PAFAH1B2: variants seen among roughly 807,000 people sequenced by gnomAD.
PAFAH1B2 encodes the protein platelet activating factor acetylhydrolase 1b catalytic subunit 2, also known as platelet-activating factor acetylhydrolase IB subunit alpha2.
Under a neutral mutation model 28.0 loss-of-function variants are expected in PAFAH1B2, and 8 were observed. The observed-to-expected ratio is 0.29, with a 90% CI of 0.17 to 0.52. PAFAH1B2 has a LOEUF of 0.52. Ranked by LOEUF, PAFAH1B2 falls within the 20% of genes least tolerant of loss-of-function variation. PAFAH1B2 has a pLI of 0.97. For missense variants in PAFAH1B2, 190 were observed against 282.6 expected (o/e 0.67, Z 2.35); for synonymous variants, 104 against 103.2 (o/e 1.01, Z -0.05).
downstream of PAFAH1B2, chr11:117,175,017 A>C (rs1383840036): frequency 8.5e-6 from 12 of 1,416,472 alleles, no homozygotes; most frequent in Non-Finnish European, 1.1e-5. Context: ...ATGGAGCTGG[A>C]CTCATGGGTC....
At chr11:117,144,783 G>A (rs1046166268) in intron 1 of PAFAH1B2, among the ~76,000 whole-genome samples, 8 of 143,898 alleles carry the variant, frequency 5.6e-5, no homozygotes, top group Admixed American at 1.4e-4. Flanking sequence ...GCCCACCCGC[G>A]GTAGGCCTTG....
Position 117,163,751 on chromosome 11 carries a change from C to CTTTTTTT in PAFAH1B2, c.289-13_289-12insTTTTTTT. ...TGGGTATTTATCTTCTCCTTCCCCC[C>CTTTTTTT]TTTTTTCTTCAATTGCAGGTCATTG... On this transcript the variant is annotated intron_variant, in intron 4 of 5. Coordinates refer to ENST00000527958, the MANE Select transcript of PAFAH1B2 (RefSeq NM_002572.4). 1 of 1,611,634 alleles carries CTTTTTTT rather than the reference C, an allele frequency of 6.2e-7. No individual in the cohort carries two copies. The highest frequency in any genetic ancestry group is 1.3e-5 in the African/African-American group (1 of 74,906).
At chr11:117,163,306 A>G (rs1335540279) in intron 4 of PAFAH1B2, among the ~76,000 whole-genome samples, 1 of 152,226 alleles carries the variant, frequency 6.6e-6, no homozygotes, top group African/African-American at 2.4e-5. Flanking sequence ...AAGAAAATTT[A>G]ATAGGATAGC....
At chr11:117,175,711 A>T, downstream of PAFAH1B2, 2 of 1,136,594 alleles carry the variant, frequency 1.8e-6, no homozygotes, top group Non-Finnish European at 2.4e-6. Flanking sequence ...AAGATGAATT[A>T]AGTGTGAAGT....
chr11:117,151,701 TGTAA>T (rs1405555707), intron 1 of PAFAH1B2, among the ~76,000 whole-genome samples: 3 of 152,092 alleles, frequency 2.0e-5, no homozygotes, highest in Non-Finnish European at 4.4e-5. Flanking sequence ...GTAGTAATTC[TGTAA>T]GTGTTTTTTT....
At chr11:117,174,424 TC>T (rs1429045162), downstream of PAFAH1B2, among the ~76,000 whole-genome samples, 1 of 151,916 alleles carries the variant, frequency 6.6e-6, no homozygotes, top group Non-Finnish European at 1.5e-5. Context: ...CCTCAGGTGA[TC>T]CACCCACCTC....
Position 117,149,017 on chromosome 11 carries a change from A to C in PAFAH1B2, c.-7-3424A>C, listed in dbSNP as rs995815987. On this transcript the variant is annotated intron_variant, in intron 1 of 5. Coordinates refer to ENST00000527958, the MANE Select transcript of PAFAH1B2 (RefSeq NM_002572.4). The stretch of plus-strand genomic sequence containing the variant: ...CAAGTAGCTGGGATTACAGGCACGC[A>C]CCACAACACCTGCCAATTTTTTTTT... 2.8e-5 allele frequency among the ~76,000 whole-genome samples: 4 copies of C among 144,546 alleles called. No individual in the cohort carries two copies. The East Asian group carries it at 8.1e-4, about 29-fold the overall frequency. The allele number at this position is 144,546 out of a possible 152,430, so 94.8% of individuals were successfully genotyped here. A position where few individuals can be genotyped will look rare whatever the true frequency, so the allele number is the denominator to read the frequency against.
intron 2 of PAFAH1B2, among the ~76,000 whole-genome samples, chr11:117,155,336 A>G (rs1956234928): frequency 6.6e-6 from 1 of 152,246 alleles, no homozygotes; most frequent in African/African-American, 2.4e-5. Flanking sequence ...AACCAGAAAA[A>G]TAAGGCTCAG....
chr11:117,172,390 ATATATATATATATATTTTTTTTTTT>A (rs1956687120), downstream of PAFAH1B2, among the ~76,000 whole-genome samples: 5 of 1,878 alleles, frequency 2.7e-3, 1 homozygote, highest in Non-Finnish European at 5.3e-3. Flanking sequence ...ATATATATAT[ATATATATATATATATTTTTTTTTTT>A]TTTTTTTTTT....
downstream of PAFAH1B2, among the ~76,000 whole-genome samples, chr11:117,177,764 G>A (rs1195966048): frequency 2.0e-5 from 3 of 152,242 alleles, no homozygotes; most frequent in African/African-American, 7.2e-5. Context: ...TCGAACTCCT[G>A]ACCTCAAGTG....
intron 1 of PAFAH1B2, among the ~76,000 whole-genome samples, chr11:117,147,722 A>G (rs900597903): frequency 6.6e-6 from 1 of 151,504 alleles, no homozygotes; most frequent in Admixed American, 6.6e-5. Flanking sequence ...TCAGAGTCAG[A>G]AGACACAAAG....
chr11:117,172,324 C>A (rs1956665840), downstream of PAFAH1B2, among the ~76,000 whole-genome samples: 1 of 123,100 alleles, frequency 8.1e-6, no homozygotes, highest in African/African-American at 3.0e-5. Context: ...ATGCCTTTTG[C>A]CTACTTGCTG....
Position 117,168,707 on chromosome 11 carries a change from T to C in PAFAH1B2, c.*1008T>C, listed in dbSNP as rs1956578505. 1 of 1,059,450 alleles carries C rather than the reference T, an allele frequency of 9.4e-7. No individual in the cohort carries two copies. Among genetic ancestry groups the C allele is most frequent in the Non-Finnish European group, 1.1e-6 (1 of 874,838 alleles). The allele number at this position is 1,059,450 out of a possible 1,614,324, so 65.6% of individuals were successfully genotyped here. A position where few individuals can be genotyped will look rare whatever the true frequency, so the allele number is the denominator to read the frequency against. On this transcript the variant is annotated 3_prime_UTR_variant, in exon 6 of 6. Transcript: ENST00000527958. The stretch of plus-strand genomic sequence containing the variant: ...GGGGTGGGGGGATTCAGAACTCTTG[T>C]TTCCCATTCCATAGCACCTGACATT...
rs1956607735 is a variant in PAFAH1B2 at position 117,169,790 on chromosome 11, A to AT, written c.*2096dup. ...TGTATAGCAAGAAGAATTAAGCCAG[A>AT]TTTTTGTGTGTGGAAAGACAGTTTT... On this transcript the variant is annotated 3_prime_UTR_variant, in exon 6 of 6. Coordinates refer to ENST00000527958, the MANE Select transcript of PAFAH1B2 (RefSeq NM_002572.4). The AT allele has an allele frequency of 1.9e-6, 2 of 1,055,942 alleles. No individual in the cohort carries two copies. Among genetic ancestry groups the AT allele is most frequent in the Non-Finnish European group, 2.3e-6 (2 of 873,558 alleles). 65.4% of individuals were successfully genotyped at this position (1,055,942 alleles called of 1,614,324 possible). A position where few individuals can be genotyped will look rare whatever the true frequency, so the allele number is the denominator to read the frequency against.
rs144872510 is a variant in PAFAH1B2 at position 117,164,517 on chromosome 11, T to C, written c.411+625T>C. On this transcript the variant is annotated intron_variant, in intron 5 of 5. Coordinates refer to ENST00000527958, the MANE Select transcript of PAFAH1B2 (RefSeq NM_002572.4). ...TTGTCTGAATCCTGAGTCTTTTTAT[T>C]AGACCTATATTTGGATTACTTTGTA... Among the ~76,000 whole-genome samples the C allele has an allele frequency of 9.9e-3, 1,514 of 152,362 alleles. 87 individuals carry two copies. The highest frequency in any genetic ancestry group is 0.091 in the Admixed American group (1,393 of 15,292).
At chr11:117,146,106 C>G (rs978754035) in intron 1 of PAFAH1B2, among the ~76,000 whole-genome samples, 38 of 68,450 alleles carry the variant, frequency 5.6e-4, no homozygotes, top group African/African-American at 1.5e-3. Flanking sequence ...TCTGCTTGGT[C>G]TTTCTTTCTT....
chr11:117,158,243 T>C lies in PAFAH1B2; in HGVS notation c.82-1691T>C, dbSNP rs187591019. ...TCTTCATAGTGAAGGGGTCTCATGA[T>C]GTTGCCCAGGCTGGTCTCGAATGCC... On this transcript the variant is annotated intron_variant, in intron 2 of 5. Coordinates refer to ENST00000527958, the MANE Select transcript of PAFAH1B2 (RefSeq NM_002572.4). Among the ~76,000 whole-genome samples the C allele has an allele frequency of 2.6e-5, 4 of 152,344 alleles. No individual in the cohort carries two copies. The East Asian group carries it at 5.8e-4, about 22-fold the overall frequency.
downstream of PAFAH1B2, among the ~76,000 whole-genome samples, chr11:117,172,394 A>T (rs1956687939): frequency 0.098 from 206 of 2,096 alleles, 3 homozygotes; most frequent in African/African-American, 0.21. Flanking sequence ...ATATATATAT[A>T]TATATATATA....
Position 117,149,033 on chromosome 11 carries a change from A to AT in PAFAH1B2, c.-7-3386dup, listed in dbSNP as rs71037462. The stretch of plus-strand genomic sequence containing the variant: ...CAGGCACGCACCACAACACCTGCCA[A>AT]TTTTTTTTTTTTTTTTTTTTTTGTA... On this transcript the variant is annotated intron_variant, in intron 1 of 5. Coordinates refer to ENST00000527958, the MANE Select transcript of PAFAH1B2 (RefSeq NM_002572.4). 1.9e-3 allele frequency among the ~76,000 whole-genome samples: 227 copies of AT among 118,602 alleles called. 1 individual carries two copies. The Middle Eastern group carries it at 0.021, about 11-fold the overall frequency. 77.8% of individuals were successfully genotyped at this position (118,602 alleles called of 152,430 possible).
Sources: allele counts gnomAD v4.1 joint callset (sites outside exome capture counted in the v4.1 genomes callset), GRCh38; gene constraint gnomAD v4.1.1; transcripts MANE v1.5; gene names NCBI Gene and HGNC (gene_info 2026-07-23, HGNC 2026-07-21).